Variants in MYO16 observed in about 807,000 individuals in gnomAD.
The protein encoded by MYO16 is myosin XVI, also known as unconventional myosin-XVI.
MYO16 carries 94 observed loss-of-function variants against 205.3 expected under a neutral mutation model. The observed-to-expected ratio is 0.46, with a 90% confidence interval of 0.39 to 0.54. The LOEUF (loss-of-function observed/expected upper bound fraction) is 0.54. Among genes scored for constraint, MYO16 ranks in the 20% least tolerant of loss-of-function variants. The probability of loss-of-function intolerance (pLI) is 0.00; values close to 1 mark genes in which losing one functional copy is unlikely to be tolerated. For missense variants in MYO16, 2,315 were observed against 2,387.5 expected, an observed-to-expected ratio of 0.97 and a Z score of 0.63; for synonymous variants, 988 against 954.0, an observed-to-expected ratio of 1.04 and a Z score of -0.66.
At chr13:108,562,029 G>A in the MYO16 span, among the ~76,000 whole-genome samples, 4 of 152,168 alleles carry the variant, frequency 2.6e-5, no homozygotes, top group African/African-American at 9.7e-5. Flanking sequence ...GAAGGTATCT[G>A]TCTTATCTTG....
intron 4 of MYO16, among the ~76,000 whole-genome samples, chr13:108,754,930 G>A (rs973364005): frequency 7.2e-5 from 11 of 152,050 alleles, no homozygotes; most frequent in African/African-American, 2.7e-4. Flanking sequence ...CATATACACT[G>A]TAAATACGTA....
At chr13:108,606,233 T>G (rs886211524) in intron 1 of MYO16, among the ~76,000 whole-genome samples, 6 of 152,316 alleles carry the variant, frequency 3.9e-5, no homozygotes, top group South Asian at 4.1e-4. Flanking sequence ...TGCATAAAGT[T>G]GCATAGGTAA....
intron 32 of MYO16, among the ~76,000 whole-genome samples, chr13:109,160,622 C>A (rs1380094769): frequency 1.3e-5 from 2 of 152,172 alleles, no homozygotes; most frequent in Non-Finnish European, 2.9e-5. Context: ...TCAGACACAC[C>A]TTTAAATATT....
intron 11 of MYO16, among the ~76,000 whole-genome samples, chr13:108,857,071 A>G (rs1878219009): frequency 6.6e-6 from 1 of 152,188 alleles, no homozygotes; most frequent in African/African-American, 2.4e-5. Context: ...GCCTTCCTGC[A>G]TCAAGGACTT....
At chr13:108,616,467 C>A (rs1451002626) in intron 1 of MYO16, among the ~76,000 whole-genome samples, 1 of 152,102 alleles carries the variant, frequency 6.6e-6, no homozygotes, top group Admixed American at 6.5e-5. Flanking sequence ...TCTCTTTTAG[C>A]TCTTCCTCGG....
the MYO16 span, among the ~76,000 whole-genome samples, chr13:108,500,412 T>C: frequency 0.08 from 12,054 of 150,906 alleles, 513 homozygotes; most frequent in African/African-American, 0.13. Context: ...GTATTTTTAG[T>C]AGAGATGGGG....
intron 2 of MYO16, among the ~76,000 whole-genome samples, chr13:108,676,900 C>T (rs1882237627): frequency 6.6e-6 from 1 of 152,304 alleles, no homozygotes; most frequent in East Asian, 1.9e-4. Context: ...CTCCTCTCCC[C>T]TGCGGAGCCC....
intron 33 of MYO16, among the ~76,000 whole-genome samples, chr13:109,169,308 G>A (rs1594153527): frequency 2.0e-5 from 3 of 152,036 alleles, no homozygotes; most frequent in South Asian, 2.1e-4. Context: ...TAAATACTAT[G>A]AAAATGGAAG....
chr13:108,974,123 TTTG>T (rs772206280), intron 20 of MYO16, among the ~76,000 whole-genome samples: 22 of 152,206 alleles, frequency 1.4e-4, no homozygotes, highest in Non-Finnish European at 3.1e-4. Context: ...GCACTTTGAT[TTTG>T]TTCTACTAAG....
chr13:109,077,392 C>T (rs1160365705), intron 27 of MYO16, among the ~76,000 whole-genome samples: 6 of 152,086 alleles, frequency 3.9e-5, no homozygotes, highest in Non-Finnish European at 7.4e-5. Flanking sequence ...TTCTCCTAGA[C>T]CTTCCCTTTC....
intron 6 of MYO16, among the ~76,000 whole-genome samples, chr13:108,805,925 AAAATAAAT>A (rs113156198): frequency 8.0e-5 from 11 of 137,072 alleles, no homozygotes; most frequent in African/African-American, 2.7e-4. Context: ...AGTCTCTACC[AAAATAAAT>A]AAATAAATAA....
intron 3 of MYO16, among the ~76,000 whole-genome samples, chr13:108,716,000 C>A (rs1003488589): frequency 2.6e-5 from 4 of 151,174 alleles, no homozygotes; most frequent in Non-Finnish European, 5.9e-5. Flanking sequence ...GAATACTTGT[C>A]CAAGGTCTCA....
intron 14 of MYO16, among the ~76,000 whole-genome samples, chr13:108,896,348 A>G (rs1356350232): frequency 1.3e-5 from 2 of 152,344 alleles, no homozygotes; most frequent in Non-Finnish European, 1.5e-5. Flanking sequence ...AAAAGATACA[A>G]AAACGAAGAG....
intron 15 of MYO16, among the ~76,000 whole-genome samples, chr13:108,898,869 T>A (rs890077706): frequency 6.6e-6 from 1 of 152,196 alleles, no homozygotes; most frequent in Non-Finnish European, 1.5e-5. Context: ...CAATTGTAGG[T>A]AGAATTTTGA....
chr13:108,623,428 A>G (rs1424804749), intron 1 of MYO16, among the ~76,000 whole-genome samples: 4 of 152,178 alleles, frequency 2.6e-5, no homozygotes, highest in African/African-American at 9.7e-5. Context: ...CAACAAGGGA[A>G]TTCATTTAGA....
At position 108,893,155 on chromosome 13, in the gene MYO16, A is replaced by G. The variant is rs111974606; in HGVS notation, c.1659+4678A>G. On this transcript the variant is annotated intron_variant, in intron 14 of 34. Transcript: ENST00000457511. ...CCACATGAATATCATTCAGTGTCCA[A>G]GATGTTCATGAAAATCATCAGTCAT... 2.1e-3 allele frequency among the ~76,000 whole-genome samples: 326 copies of G among 152,318 alleles called. 6 individuals carry two copies. The highest frequency in any genetic ancestry group is 7.4e-3 in the African/African-American group (306 of 41,568).
chr13:108,681,826 C>T (rs1882476335), intron 2 of MYO16, among the ~76,000 whole-genome samples: 1 of 152,186 alleles, frequency 6.6e-6, no homozygotes, highest in South Asian at 2.1e-4. Context: ...ACTTCAGAGA[C>T]TCTTTATCCG....
chr13:108,990,673 C>A (rs57485805), intron 20 of MYO16, among the ~76,000 whole-genome samples: 6,191 of 152,108 alleles, frequency 0.041, 149 homozygotes, highest in African/African-American at 0.06. Context: ...TGAATGATTT[C>A]TTTTTTTCTC....
intron 32 of MYO16, among the ~76,000 whole-genome samples, chr13:109,149,401 A>T (rs1877527262): frequency 6.6e-6 from 1 of 152,168 alleles, no homozygotes; most frequent in Non-Finnish European, 1.5e-5. Flanking sequence ...ATTAATGAGC[A>T]ATCTGAGACT....
Sources: gnomAD v4.1 joint callset for allele counts (sites outside exome capture counted in the v4.1 genomes callset) on GRCh38, gnomAD v4.1.1 for gene constraint, MANE v1.5 for transcripts, NCBI Gene and HGNC (gene_info 2026-07-23, HGNC 2026-07-21) for gene names.